Variants in PCDH17 observed in about 807,000 individuals in gnomAD.
PCDH17 encodes the protein protocadherin 17.
PCDH17 carries 21 observed loss-of-function variants against 67.7 expected under a neutral mutation model. The ratio of observed to expected loss-of-function variants is 0.31; its 90% CI spans 0.22 to 0.45. The LOEUF is 0.45. PCDH17 is among the 20% of genes least tolerant of loss of function. PCDH17 has a pLI of 1.00. For missense variants in PCDH17, 1,471 were observed against 1,564.8 expected (o/e 0.94, Z 1.01); for synonymous variants, 701 against 656.7 (o/e 1.07, Z -1.03).
At chr13:57,654,283 A>G (rs1224743624) in intron 1 of PCDH17, among the ~76,000 whole-genome samples, 1 of 152,094 alleles carries the variant, frequency 6.6e-6, no homozygotes, top group Non-Finnish European at 1.5e-5. Flanking sequence ...GCAGCCATAG[A>G]AAACATGCAA....
intron 3 of PCDH17, among the ~76,000 whole-genome samples, chr13:57,679,261 A>G (rs1448609892): frequency 6.6e-6 from 1 of 151,448 alleles, no homozygotes; most frequent in Non-Finnish European, 1.5e-5. Flanking sequence ...AAGCAGTTGT[A>G]TAATGAAAAA....
rs1235049869 is a variant in PCDH17, at chr13:57,634,320, A to T, written c.1774A>T (p.Thr592Ser). The T allele has an allele frequency of 1.9e-6, 3 of 1,612,592 alleles. No homozygotes were observed. The Admixed American group carries it at 5.0e-5, about 27-fold the overall frequency. ...VIVLPTLQNDTAELQVPRNAG... is the reference protein window; with the variant it reads ...VIVLPTLQNDSAELQVPRNAG... ...CGTGCTCCCCACGCTGCAGAACGACACCGCGGAGCTGCAGGTGCCGCGCAA... is the reference window on the plus strand; with the variant it reads ...CGTGCTCCCCACGCTGCAGAACGACTCCGCGGAGCTGCAGGTGCCGCGCAA... Residue 592 changes from threonine (T) to serine (S), a missense_variant, in exon 1 of 4, where the codon ACC (threonine) becomes TCC (serine). Thr to Ser is a moderately conservative substitution (Grantham distance 58). Transcript: ENST00000377918. The surrounding 1 kb of genome is among the most constrained non-coding windows in gnomAD (Gnocchi z 7.8).
chr13:57,633,281 G>T lies in PCDH17; in HGVS notation c.735G>T (p.Ala245=), dbSNP rs749587525. The change falls in exon 1 of 4, where the codon GCG becomes GCT. Residue 245 remains alanine (A), a synonymous_variant. Transcript: ENST00000377918. The surrounding 1 kb of genome is among the most constrained non-coding windows in gnomAD (Gnocchi z 6.2). Reference sequence around the variant, plus strand: ...ACGACAACAGCCCGGTCTTCGAGGCGCCATCCTACTTGGTGGAACTGCCCG... The same window carrying T: ...ACGACAACAGCCCGGTCTTCGAGGCTCCATCCTACTTGGTGGAACTGCCCG... ...DSNDNSPVFE[A]PSYLVELPEN... is the part of the protein sequence containing the mutation. The T allele has an allele frequency of 2.5e-6, 4 of 1,613,316 alleles. No homozygotes were observed. Among genetic ancestry groups the T allele is most frequent in the Non-Finnish European group, 1.7e-6 (2 of 1,180,020 alleles).
At chr13:57,704,571 A>C (rs1212448189) in intron 3 of PCDH17, among the ~76,000 whole-genome samples, 1 of 151,804 alleles carries the variant, frequency 6.6e-6, no homozygotes, top group East Asian at 1.9e-4. Flanking sequence ...ATCCAAAAAA[A>C]AAAAACAAAA....
intron 1 of PCDH17, among the ~76,000 whole-genome samples, chr13:57,661,026 A>G (rs1955176117): frequency 6.6e-6 from 1 of 152,158 alleles, no homozygotes. Context: ...TATCCCTAGA[A>G]GTAGGATTGC....
At chr13:57,674,834 A>G (rs1454293083) in intron 3 of PCDH17, among the ~76,000 whole-genome samples, 3 of 151,996 alleles carry the variant, frequency 2.0e-5, no homozygotes, top group African/African-American at 7.2e-5. Flanking sequence ...TTCCAATATT[A>G]GAAGTCCTCT....
chr13:57,694,052 C>A (rs1204784428), intron 3 of PCDH17, among the ~76,000 whole-genome samples: 2 of 150,418 alleles, frequency 1.3e-5, no homozygotes, highest in Non-Finnish European at 3.0e-5. Context: ...TATTTCATAG[C>A]CAAGTTTTAT....
chr13:57,691,918 T>C (rs947577406), intron 3 of PCDH17, among the ~76,000 whole-genome samples: 1 of 151,216 alleles, frequency 6.6e-6, no homozygotes, highest in African/African-American at 2.4e-5. Context: ...TATATTTGAA[T>C]GCATATCAGA....
At position 57,634,620 on chromosome 13, in the gene PCDH17, G is replaced by T. The variant is rs1954793094; in HGVS notation, c.2074G>T (p.Val692Leu). Residue 692 changes from valine (V) to leucine (L), a missense_variant, in exon 1 of 4, where the codon GTA becomes TTA. By Grantham distance (32) the Val-to-Leu change is conservative. Coordinates refer to ENST00000377918, the MANE Select transcript of PCDH17 (RefSeq NM_001040429.3). This position sits in a 1 kb window ranked among gnomAD's most constrained non-coding sequence, Gnocchi z 7.8. The stretch of plus-strand genomic sequence containing the variant: ...GGTGAGCGGATCCCTTCCCGAGGGG[G>T]TACCACGGGTGAATGGCGAGCAGCA... ...RSVSGSLPEG[V>L]PRVNGEQHHW... 1.9e-6 allele frequency: 3 copies of T among 1,613,404 alleles called. No homozygotes were observed. The highest frequency in any genetic ancestry group is 2.5e-6 in the Non-Finnish European group (3 of 1,180,006).
chr13:57,707,172 G>GT (rs1269948382), intron 3 of PCDH17, among the ~76,000 whole-genome samples: 1 of 151,954 alleles, frequency 6.6e-6, no homozygotes, highest in East Asian at 1.9e-4. Flanking sequence ...CTTCTACTTA[G>GT]TAGTAGATCA....
intron 1 of PCDH17, among the ~76,000 whole-genome samples, chr13:57,642,292 C>G (rs2137986120): frequency 6.6e-6 from 1 of 151,658 alleles, no homozygotes; most frequent in East Asian, 1.9e-4. Context: ...TAAAAGCAGC[C>G]TTTGTAGGGT....
At chr13:57,678,704 G>A (rs957199198) in intron 3 of PCDH17, among the ~76,000 whole-genome samples, 7 of 151,446 alleles carry the variant, frequency 4.6e-5, no homozygotes, top group African/African-American at 1.7e-4. Flanking sequence ...ACCACAAGGT[G>A]CACATGCGTC....
upstream of PCDH17, among the ~76,000 whole-genome samples, chr13:57,631,022 C>A (rs1293871625): frequency 1.3e-5 from 2 of 152,090 alleles, no homozygotes; most frequent in African/African-American, 4.8e-5. Context: ...CAGCTCTGCA[C>A]CCCCTGCCCT....
intron 3 of PCDH17, among the ~76,000 whole-genome samples, chr13:57,717,798 G>A (rs2138097825): frequency 6.6e-6 from 1 of 152,102 alleles, no homozygotes; most frequent in Middle Eastern, 3.4e-3. Context: ...AAATCTGGAA[G>A]CCAGATTAGC....
intron 3 of PCDH17, among the ~76,000 whole-genome samples, chr13:57,697,613 C>T (rs182744448): frequency 2.6e-5 from 4 of 151,254 alleles, no homozygotes; most frequent in African/African-American, 9.7e-5. Context: ...TCATACTGGC[C>T]GGATAAGAAT....
chr13:57,724,656 G>T lies in PCDH17; in HGVS notation c.2842G>T (p.Gly948Cys), dbSNP rs760505562. ...TTGCACAGATGAATGCCGAGTGCTT[G>T]GTCATTCTGACAGGTGCTGGATGCC... ...VNCTDECRVL[G>C]HSDRCWMPQF... is the part of the protein sequence containing the mutation. The change falls in exon 4 of 4, where the codon GGT (glycine) becomes TGT (cysteine). Residue 948 changes from glycine to cysteine, a missense_variant. Gly to Cys is a radical substitution (Grantham distance 159). Coordinates refer to ENST00000377918, the MANE Select transcript of PCDH17 (RefSeq NM_001040429.3). The T allele has an allele frequency of 1.2e-6, 2 of 1,613,830 alleles. No individual in the cohort carries two copies. Among genetic ancestry groups the T allele is most frequent in the African/African-American group, 1.3e-5 (1 of 74,892 alleles).
chr13:57,633,532 A>G lies in PCDH17; in HGVS notation c.986A>G (p.Asn329Ser), dbSNP rs771680884. Residue 329 changes from asparagine (N) to serine (S), a missense_variant, in exon 1 of 4, where the codon AAC becomes AGC. This residue lies in a region of PCDH17 where 1,163 missense variants were observed against 1,230.0 expected (regional missense o/e 0.95). Coordinates refer to ENST00000377918, the MANE Select transcript of PCDH17 (RefSeq NM_001040429.3). The surrounding 1 kb of genome is among the most constrained non-coding windows in gnomAD (Gnocchi z 6.2). ...GTGCAGGCCCGAGACCTGGGGCCTA[A>G]CCCTATCCCAGCCCACTGCAAAGTC... Reference protein sequence around the residue: ...IDVQARDLGPNPIPAHCKVTV... With the variant: ...IDVQARDLGPSPIPAHCKVTV... 6.2e-7 allele frequency: 1 copy of G among 1,613,732 alleles called. No homozygotes were observed.
intron 1 of PCDH17, among the ~76,000 whole-genome samples, chr13:57,650,218 TTG>T (rs67398023): frequency 0.13 from 17,677 of 137,324 alleles, 1,165 homozygotes; most frequent in Middle Eastern, 0.2. Flanking sequence ...GGACCCTTGA[TTG>T]TGTGTGTGTG....
At chr13:57,658,436 A>G (rs1227669346) in intron 1 of PCDH17, among the ~76,000 whole-genome samples, 3 of 152,224 alleles carry the variant, frequency 2.0e-5, no homozygotes, top group East Asian at 3.9e-4. Flanking sequence ...CATATTTTTA[A>G]TATTTCTGAT....
Sources: gnomAD v4.1 joint callset for allele counts (sites outside exome capture counted in the v4.1 genomes callset) on GRCh38, gnomAD v4.1.1 for gene constraint, gnomAD v4.1.1 regional missense constraint, Gnocchi (gnomAD v3.1) non-coding constraint, MANE v1.5 for transcripts, NCBI Gene and HGNC (gene_info 2026-07-23, HGNC 2026-07-21) for gene names.